The following APLP2 variants were observed in gnomAD, a reference collection of about 807,000 sequenced individuals.
APLP2 encodes CDEI box-binding protein.
APLP2 carries 53 observed loss-of-function variants against 89.9 expected under a neutral mutation model. That is an observed-to-expected ratio of 0.59 (90% confidence interval 0.47 to 0.74). The LOEUF is 0.74. Among genes scored for constraint, APLP2 ranks in the 30% least tolerant of loss-of-function variants. The probability of loss-of-function intolerance (pLI) is 0.00; values close to 1 mark genes in which losing one functional copy is unlikely to be tolerated. For missense variants in APLP2, 973 were observed against 975.9 expected, an observed-to-expected ratio of 1.00 and a Z score of 0.04; for synonymous variants, 372 against 348.6, an observed-to-expected ratio of 1.07 and a Z score of -0.75.
rs774419462 is a variant in APLP2, at chr11:130,135,639, G to T, written c.1761G>T (p.Arg587=). The part of the protein sequence containing the change: ...ASISETPVDV[R]VSSEESEEIP... ...TCTCAGAGACCCCTGTGGACGTCCGGGTGAGCTCTGAGGAGAGTGAGGAGA... is the reference window on the plus strand; with the variant it reads ...TCTCAGAGACCCCTGTGGACGTCCGTGTGAGCTCTGAGGAGAGTGAGGAGA... Residue 587 remains arginine, a synonymous_variant, in exon 13 of 17, where the codon CGG becomes CGT. Transcript: ENST00000338167. The T allele has an allele frequency of 2.5e-6, 4 of 1,614,056 alleles. No homozygotes were observed. The African/African-American group carries it at 5.3e-5, about 22-fold the overall frequency.
intron 1 of APLP2, chr11:130,070,423 G>A (rs1031977493): frequency 1.7e-5 from 3 of 173,044 alleles, no homozygotes; most frequent in African/African-American, 7.4e-5. Flanking sequence ...GCCCTCCCCC[G>A]GGACAATGCC....
intron 7 of APLP2, 125 bp from the exon 8 acceptor site, chr11:130,126,575 C>T (rs1950388805): frequency 9.2e-7 from 1 of 1,088,884 alleles, no homozygotes; most frequent in Non-Finnish European, 1.4e-6. Flanking sequence ...CAGATAGCAG[C>T]ACCCTGCACT....
intron 2 of APLP2, 55 bp downstream of exon 2, chr11:130,109,657 C>G: frequency 1.9e-6 from 3 of 1,539,748 alleles, no homozygotes; most frequent in African/African-American, 1.4e-5. Context: ...AGGGTTGAAT[C>G]TGTTTACCTT....
chr11:130,075,163 A>G (rs2135336600), intron 1 of APLP2, among the ~76,000 whole-genome samples: 2 of 152,006 alleles, frequency 1.3e-5, no homozygotes, highest in South Asian at 4.2e-4. Context: ...TTTATTTTTT[A>G]TTTTTTGAGA....
In APLP2 at chr11:130,140,695, T is replaced by C. The variant is rs576507196; in HGVS notation, c.1923+212T>C. 7.6e-6 allele frequency: 3 copies of C among 394,932 alleles called. No individual in the cohort carries two copies. In the South Asian group the frequency reaches 1.5e-4, roughly 20 times the overall value. 24.5% of individuals were successfully genotyped at this position (394,932 alleles called of 1,614,324 possible). On this transcript the variant is annotated intron_variant, in intron 14 of 16. Coordinates refer to ENST00000338167, the MANE Select transcript of APLP2 (RefSeq NM_001142276.2). Reference sequence around the variant, plus strand: ...AAAAGCCCTTTTCAGCAGTAGCTCATCTCTTGCTATAGAGTAGGAAAATAT... The same window carrying C: ...AAAAGCCCTTTTCAGCAGTAGCTCACCTCTTGCTATAGAGTAGGAAAATAT...
intron 7 of APLP2, among the ~76,000 whole-genome samples, chr11:130,125,899 G>T (rs987267211): frequency 6.6e-6 from 1 of 152,172 alleles, no homozygotes; most frequent in African/African-American, 2.4e-5. Flanking sequence ...ATTCCATCGT[G>T]CAGAGACTTG....
Position 130,123,772 on chromosome 11 carries a change from A to G in APLP2, c.1083A>G (p.Lys361=), listed in dbSNP as rs949724035. 3 of 1,614,060 alleles carry G rather than the reference A, an allele frequency of 1.9e-6. No individual in the cohort carries two copies. The African/African-American group carries it at 4.0e-5, about 22-fold the overall frequency. Residue 361 remains lysine (K), a synonymous_variant, in exon 7 of 17, where the codon AAA becomes AAG. Transcript: ENST00000338167. This position sits in a 1 kb window ranked among gnomAD's most constrained non-coding sequence, Gnocchi z 4.0. The part of the protein sequence containing the change: ...ESEDYCMAVC[K]AMIPPTPLPT... The stretch of plus-strand genomic sequence containing the variant: ...AGGATTATTGTATGGCTGTGTGTAA[A>G]GCGATGAGTAAGTCCTGCCTCGCGC...
chr11:130,110,475 T>G (rs1948407267), intron 2 of APLP2, 63 bp from the exon 3 acceptor site: 5 of 1,589,732 alleles, frequency 3.1e-6, no homozygotes, highest in Non-Finnish European at 4.3e-6. Flanking sequence ...ACTCCATCCT[T>G]ACTTGCAAGT....
Position 130,142,380 on chromosome 11 carries a change from A to AT in APLP2, c.2154+317dup, listed in dbSNP as rs557979814. Among the ~76,000 whole-genome samples, 526 of 146,116 alleles carry AT rather than the reference A, an allele frequency of 3.6e-3. 6 individuals are homozygous for AT. In the East Asian group the frequency reaches 0.052, roughly 14 times the overall value. Reference sequence around the variant, plus strand: ...TTCCTTAGTGTTCCTTTTTCCAGGTATTTTTTTTTTTAATGGGGGAAAGGA... The same window carrying AT: ...TTCCTTAGTGTTCCTTTTTCCAGGTATTTTTTTTTTTTAATGGGGGAAAGGA... On this transcript the variant is annotated intron_variant, in intron 16 of 16. Coordinates refer to ENST00000338167, the MANE Select transcript of APLP2 (RefSeq NM_001142276.2).
intron 1 of APLP2, among the ~76,000 whole-genome samples, chr11:130,086,889 G>A (rs1192243074): frequency 6.6e-6 from 1 of 152,132 alleles, no homozygotes; most frequent in Admixed American, 6.5e-5. Context: ...CTGTAGCTTC[G>A]TAGTAAGTTT....
chr11:130,084,520 T>C (rs1375634742), intron 1 of APLP2, among the ~76,000 whole-genome samples: 2 of 152,202 alleles, frequency 1.3e-5, no homozygotes, highest in African/African-American at 4.8e-5. Flanking sequence ...TCCTATTTTG[T>C]TATTAGGGTA....
At chr11:130,139,449 A>G (rs1474312217) in intron 13 of APLP2, 1 of 152,256 alleles carries the variant, frequency 6.6e-6, no homozygotes, top group Non-Finnish European at 1.5e-5. Flanking sequence ...AAAGGCTCAT[A>G]TCACAGACGT....
At chr11:130,086,416 C>T (rs1944131057) in intron 1 of APLP2, among the ~76,000 whole-genome samples, 1 of 152,106 alleles carries the variant, frequency 6.6e-6, no homozygotes, top group Admixed American at 6.5e-5. Context: ...TTTATATATT[C>T]TGGATGTTAA....
chr11:130,093,125 A>T (rs1945661350), intron 1 of APLP2, among the ~76,000 whole-genome samples: 1 of 152,164 alleles, frequency 6.6e-6, no homozygotes. Flanking sequence ...AAGTCTCCCT[A>T]ACCAGGCCCG....
chr11:130,084,788 CAAAG>C (rs1458641944), intron 1 of APLP2, among the ~76,000 whole-genome samples: 1 of 150,904 alleles, frequency 6.6e-6, no homozygotes, highest in Non-Finnish European at 1.5e-5. Flanking sequence ...AAGCTAATCC[CAAAG>C]TGAGCAGAAG....
At chr11:130,095,337 A>G (rs183746818) in intron 1 of APLP2, among the ~76,000 whole-genome samples, 135 of 152,334 alleles carry the variant, frequency 8.9e-4, no homozygotes, top group African/African-American at 3.2e-3. Flanking sequence ...GCACCACTGC[A>G]CTCCAGTTTG....
intron 1 of APLP2, among the ~76,000 whole-genome samples, chr11:130,084,389 A>G (rs2135450099): frequency 6.6e-6 from 1 of 152,326 alleles, no homozygotes; most frequent in Non-Finnish European, 1.5e-5. Flanking sequence ...CACTTGATCC[A>G]GGTGTATGAT....
At chr11:130,099,422 T>C (rs1254861259) in intron 1 of APLP2, among the ~76,000 whole-genome samples, 3 of 152,186 alleles carry the variant, frequency 2.0e-5, no homozygotes, top group African/African-American at 7.2e-5. Context: ...TTCCATGAGA[T>C]TACATAGCAA....
Position 130,121,870 on chromosome 11 carries a change from G to A in APLP2, c.713+60G>A, listed in dbSNP as rs559756595. 4.3e-5 allele frequency: 68 copies of A among 1,568,746 alleles called. No homozygotes were observed. The African/African-American group carries it at 7.7e-4, about 18-fold the overall frequency. ...GCCTTTTTGTTAGCCCTTCTGTAAA[G>A]ACGGCTGTTGGCTGCTAGTCCCTCA... On this transcript the variant is annotated intron_variant, in intron 5 of 16. Coordinates refer to ENST00000338167, the MANE Select transcript of APLP2 (RefSeq NM_001142276.2).
Sources: gnomAD v4.1 joint callset for allele counts (sites outside exome capture counted in the v4.1 genomes callset) on GRCh38, gnomAD v4.1.1 for gene constraint, Gnocchi (gnomAD v3.1) non-coding constraint, MANE v1.5 for transcripts, NCBI Gene and HGNC (gene_info 2026-07-23, HGNC 2026-07-21) for gene names.